KDM1B: variants seen among roughly 807,000 people sequenced by gnomAD.
KDM1B encodes lysine-specific histone demethylase 2.
In KDM1B, 63 loss-of-function variants were observed where a neutral mutation model predicts 107.4. The observed-to-expected ratio is 0.59, with a 90% CI of 0.48 to 0.72. KDM1B has a LOEUF of 0.72. Among genes scored for constraint, KDM1B ranks in the 30% least tolerant of loss-of-function variants. The probability of loss-of-function intolerance (pLI) is 0.00; values close to 1 mark genes in which losing one functional copy is unlikely to be tolerated. For missense variants in KDM1B, 749 were observed against 1,020.8 expected (o/e 0.73, Z 3.63); for synonymous variants, 363 against 363.9 (o/e 1.00, Z 0.03).
chr6:18,197,526 A>G lies in KDM1B; in HGVS notation c.1147-61A>G. 1.5e-6 allele frequency: 2 copies of G among 1,327,540 alleles called. No individual in the cohort carries two copies. Among genetic ancestry groups the G allele is most frequent in the East Asian group, 2.3e-5 (1 of 43,016 alleles). 82.2% of individuals were successfully genotyped at this position (1,327,540 alleles called of 1,614,324 possible). On this transcript the variant is annotated intron_variant, in intron 11 of 21. Coordinates refer to ENST00000650836, the MANE Select transcript of KDM1B (RefSeq NM_001364614.2). This position sits in a 1 kb window ranked among gnomAD's most constrained non-coding sequence, Gnocchi z 4.5. The stretch of plus-strand genomic sequence containing the variant: ...GAATTTGCTCTGCAGTTCCGGAACA[A>G]CTAAAACAGGACGTTGTTATCATCT...
Position 18,197,693 on chromosome 6 carries a change from A to C in KDM1B, c.1221+32A>C, listed in dbSNP as rs1787738324. The C allele has an allele frequency of 6.7e-7, 1 of 1,496,472 alleles. No individual in the cohort carries two copies. Among genetic ancestry groups the C allele is most frequent in the Admixed American group, 1.8e-5 (1 of 55,286 alleles). 92.7% of individuals were successfully genotyped at this position (1,496,472 alleles called of 1,614,324 possible). A position where few individuals can be genotyped will look rare whatever the true frequency, so the allele number is the denominator to read the frequency against. ...TTTTGGGGACATGGAGTTAGAACAG[A>C]TGGTTGACTGCTCCTTTTGGTCCAA... On this transcript the variant is annotated intron_variant, in intron 12 of 21. Coordinates refer to ENST00000650836, the MANE Select transcript of KDM1B (RefSeq NM_001364614.2). The surrounding 1 kb of genome is among the most constrained non-coding windows in gnomAD (Gnocchi z 4.5).
At chr6:18,185,240 T>A (rs1745281384) in intron 7 of KDM1B, among the ~76,000 whole-genome samples, 2 of 152,146 alleles carry the variant, frequency 1.3e-5, no homozygotes, top group African/African-American at 2.4e-5. Context: ...GTGGTTGTTA[T>A]ATGCCTTTAT....
In KDM1B at chr6:18,201,395, C is replaced by T. The variant is rs1788020741; in HGVS notation, c.1360-91C>T. On this transcript the variant is annotated intron_variant, in intron 13 of 21. Transcript: ENST00000650836. The surrounding 1 kb of genome is among the most constrained non-coding windows in gnomAD (Gnocchi z 4.3). ...TTTGAGAGATATGAGACCATTTTCT[C>T]CATGAGAGCTCTGTCTGATTTTCAG... 2.2e-6 allele frequency: 2 copies of T among 916,336 alleles called. No individual in the cohort carries two copies. The highest frequency in any genetic ancestry group is 3.2e-4 in the Middle Eastern group (1 of 3,088). The allele number at this position is 916,336 out of a possible 1,614,324, so 56.8% of individuals were successfully genotyped here. A position where few individuals can be genotyped will look rare whatever the true frequency, so the allele number is the denominator to read the frequency against.
intron 21 of KDM1B, 84 bp downstream of exon 21, chr6:18,217,969 A>G: frequency 8.4e-6 from 12 of 1,422,176 alleles, no homozygotes; most frequent in Non-Finnish European, 1.2e-5. Context: ...GAGTTTAAAA[A>G]CCAATTCAAA....
intron 7 of KDM1B, among the ~76,000 whole-genome samples, chr6:18,183,815 T>C (rs1400304100): frequency 6.6e-6 from 1 of 151,988 alleles, no homozygotes; most frequent in Non-Finnish European, 1.5e-5. Flanking sequence ...CCTACCTTGG[T>C]GTGTGTATTC....
At chr6:18,220,093 T>C (rs1398440018) in intron 21 of KDM1B, among the ~76,000 whole-genome samples, 2 of 152,198 alleles carry the variant, frequency 1.3e-5, no homozygotes, top group Non-Finnish European at 2.9e-5. Context: ...TTCTAAGGAT[T>C]CTCTGGGATG....
rs375548013 is a variant in KDM1B at position 18,191,846 on chromosome 6, A to C, written c.969+465A>C. On this transcript the variant is annotated intron_variant, in intron 10 of 21. Coordinates refer to ENST00000650836, the MANE Select transcript of KDM1B (RefSeq NM_001364614.2). This position sits in a 1 kb window ranked among gnomAD's most constrained non-coding sequence, Gnocchi z 5.1. ...TTATTCACCTCGGCATCCTAAATCA[A>C]CCAAGACCAGTACATTTCTTCTGTT... Among the ~76,000 whole-genome samples, 1 of 152,194 alleles carries C rather than the reference A, an allele frequency of 6.6e-6. No homozygotes were observed. Among genetic ancestry groups the C allele is most frequent in the Non-Finnish European group, 1.5e-5 (1 of 68,032 alleles).
rs1297979960 is a variant in KDM1B, at chr6:18,212,124, T to G, written c.1867-364T>G. 1.0e-5 allele frequency: 2 copies of G among 191,080 alleles called. No individual in the cohort carries two copies. The highest frequency in any genetic ancestry group is 4.7e-5 in the African/African-American group (2 of 42,484). 11.8% of individuals were successfully genotyped at this position (191,080 alleles called of 1,614,324 possible). A position where few individuals can be genotyped will look rare whatever the true frequency, so the allele number is the denominator to read the frequency against. On this transcript the variant is annotated intron_variant, in intron 17 of 21. Transcript: ENST00000650836. The surrounding 1 kb of genome is among the most constrained non-coding windows in gnomAD (Gnocchi z 5.2). ...CCACACCTGGCTAATTTTTGTATTTTTGTAGAGACAGGGTTTCACCATGTT... is the reference window on the plus strand; with the variant it reads ...CCACACCTGGCTAATTTTTGTATTTGTGTAGAGACAGGGTTTCACCATGTT...
chr6:18,206,070 A>T (rs1788348438), intron 15 of KDM1B, among the ~76,000 whole-genome samples: 1 of 152,100 alleles, frequency 6.6e-6, no homozygotes, highest in African/African-American at 2.4e-5. Context: ...GATAAACAGG[A>T]AAGAATGATT....
Position 18,200,381 on chromosome 6 carries a change from C to T in KDM1B, c.1222-58C>T. On this transcript the variant is annotated intron_variant, in intron 12 of 21. Transcript: ENST00000650836. This position sits in a 1 kb window ranked among gnomAD's most constrained non-coding sequence, Gnocchi z 4.3. ...AGTGTCCTTCTACATTTTTATAATA[C>T]TGTGTCTGATATAACTCTTGTGTCC... is the stretch of plus-strand genomic sequence containing the variant. The T allele has an allele frequency of 6.6e-7, 1 of 1,508,790 alleles. No homozygotes were observed. The highest frequency in any genetic ancestry group is 1.2e-5 in the South Asian group (1 of 81,116). The allele number at this position is 1,508,790 out of a possible 1,614,324, so 93.5% of individuals were successfully genotyped here.
chr6:18,212,740 T>A lies in KDM1B; in HGVS notation c.1983+136T>A. On this transcript the variant is annotated intron_variant, in intron 18 of 21. Transcript: ENST00000650836. The surrounding 1 kb of genome is among the most constrained non-coding windows in gnomAD (Gnocchi z 5.2). ...AGGATTTCCTTTTCATTTGAGTAAT[T>A]GTTCGTGAAGAACACAGAAGAATAT... 1.4e-6 allele frequency: 1 copy of A among 693,324 alleles called. No homozygotes were observed. The highest frequency in any genetic ancestry group is 2.1e-5 in the Admixed American group (1 of 46,672). 42.9% of individuals were successfully genotyped at this position (693,324 alleles called of 1,614,324 possible).
At chr6:18,220,265 T>C (rs749231476) in intron 21 of KDM1B, among the ~76,000 whole-genome samples, 31 of 152,200 alleles carry the variant, frequency 2.0e-4, no homozygotes, top group Non-Finnish European at 3.7e-4. Flanking sequence ...TACAGAAGAA[T>C]AACATTGGCC....
At chr6:18,217,370 T>G (rs1789318038) in intron 20 of KDM1B, among the ~76,000 whole-genome samples, 1 of 145,266 alleles carries the variant, frequency 6.9e-6, no homozygotes. Flanking sequence ...ACCATGTCTA[T>G]CTCCCTTCTT....
chr6:18,207,505 G>T lies in KDM1B; in HGVS notation c.1767G>T (p.Gly589=). 9 of 1,614,226 alleles carry T rather than the reference G, an allele frequency of 5.6e-6. No homozygotes were observed. The highest frequency in any genetic ancestry group is 7.6e-6 in the Non-Finnish European group (9 of 1,180,032). Residue 589 remains glycine (G), a synonymous_variant, in exon 16 of 22, where the codon GGG becomes GGT. Transcript: ENST00000650836. ...YSVIIEKLAE[G]LDIQLKSPVQ... ...TGATAATTGAAAAACTGGCAGAAGG[G>T]CTTGACATTCAACTCAAATCTCCAG...
intron 20 of KDM1B, among the ~76,000 whole-genome samples, chr6:18,216,717 A>G (rs1288407923): frequency 2.0e-5 from 3 of 152,186 alleles, no homozygotes; most frequent in Admixed American, 2.0e-4. Context: ...TTGCCTGTCC[A>G]TTAGTCACTC....
chr6:18,196,677 A>G (rs933020897), intron 10 of KDM1B, among the ~76,000 whole-genome samples: 1 of 152,188 alleles, frequency 6.6e-6, no homozygotes, highest in East Asian at 1.9e-4. Context: ...TAAACACTAT[A>G]CAGACTTTCC....
intron 2 of KDM1B, among the ~76,000 whole-genome samples, chr6:18,158,485 C>T (rs879799225): frequency 2.0e-5 from 3 of 152,036 alleles, no homozygotes; most frequent in Non-Finnish European, 4.4e-5. Context: ...AAATATGAAA[C>T]AATAGGATTA....
At chr6:18,176,667 G>A (rs1378964372) in intron 7 of KDM1B, among the ~76,000 whole-genome samples, 2 of 152,074 alleles carry the variant, frequency 1.3e-5, no homozygotes, top group Non-Finnish European at 2.9e-5. Context: ...ATCATAAAGC[G>A]TTGCTGGATT....
chr6:18,213,518 A>G lies in KDM1B; in HGVS notation c.1984-138A>G, dbSNP rs1789011836. 3 of 775,684 alleles carry G rather than the reference A, an allele frequency of 3.9e-6. No individual in the cohort carries two copies. In the East Asian group the frequency reaches 7.6e-5, roughly 20 times the overall value. 48.1% of individuals were successfully genotyped at this position (775,684 alleles called of 1,614,324 possible). A position where few individuals can be genotyped will look rare whatever the true frequency, so the allele number is the denominator to read the frequency against. On this transcript the variant is annotated intron_variant, in intron 18 of 21. Transcript: ENST00000650836. The surrounding 1 kb of genome is among the most constrained non-coding windows in gnomAD (Gnocchi z 5.9). ...AGGGGGAAAAAAGGAGGTGAGGAGA[A>G]TGGAAAGAGCGGTATTTGGGGTTGT...
Sources: allele counts gnomAD v4.1 joint callset (sites outside exome capture counted in the v4.1 genomes callset), GRCh38; gene constraint gnomAD v4.1.1; non-coding constraint Gnocchi (gnomAD v3.1); transcripts MANE v1.5; gene names NCBI Gene and HGNC (gene_info 2026-07-23, HGNC 2026-07-21).